METRN: variants seen among roughly 807,000 people sequenced by gnomAD.
The protein encoded by METRN is meteorin.
A neutral mutation model predicts 17.4 loss-of-function variants in METRN; 17 were observed. The observed-to-expected ratio is 0.98, with a 90% CI of 0.67 to 1.46. The LOEUF is 1.46. METRN is among the 40% of genes most tolerant of loss of function. The probability of loss-of-function intolerance (pLI) is 0.00; values close to 1 mark genes in which losing one functional copy is unlikely to be tolerated. For synonymous variants in METRN, 230 were observed against 210.8 expected (o/e 1.09, Z -0.79); for missense variants, 489 against 456.2 (o/e 1.07, Z -0.65).
Position 716,238 on chromosome 16 carries a change from G to A in METRN, c.505+254G>A, listed in dbSNP as rs561199320. 1.9e-4 allele frequency: 187 copies of A among 985,450 alleles called. 1 individual carries two copies. The South Asian group carries it at 7.0e-3, about 37-fold the overall frequency. 61.0% of individuals were successfully genotyped at this position (985,450 alleles called of 1,614,324 possible). A position where few individuals can be genotyped will look rare whatever the true frequency, so the allele number is the denominator to read the frequency against. Reference sequence around the variant, plus strand: ...GGGGAGGCCGGGCCCAGCAATCCTGGGCCTCTGGTCCCTGAACGGTTGGGG... The same window carrying A: ...GGGGAGGCCGGGCCCAGCAATCCTGAGCCTCTGGTCCCTGAACGGTTGGGG... On this transcript the variant is annotated intron_variant, in intron 2 of 3. Transcript: ENST00000568223.
At chr16:716,163 C>T (rs2040160313) in intron 2 of METRN, 179 bp downstream of exon 2, 1 of 985,322 alleles carries the variant, frequency 1.0e-6, no homozygotes, top group Non-Finnish European at 1.2e-6. Context: ...CCCCGCCCTC[C>T]CTTCCCGATT....
At chr16:715,547 G>A (rs1405754512) in intron 1 of METRN, 37 bp from the exon 2 acceptor site, 9 of 1,293,020 alleles carry the variant, frequency 7.0e-6, no homozygotes, top group East Asian at 3.2e-5. Flanking sequence ...GCGGGGACCC[G>A]CCCCCGTCTC....
intron 2 of METRN, 72 bp downstream of exon 2, chr16:716,056 G>A: frequency 5.1e-6 from 7 of 1,372,748 alleles, no homozygotes; most frequent in Non-Finnish European, 6.6e-6. Context: ...GCGGGAATGT[G>A]CCTTGTCGGC....
chr16:715,324 T>G lies in METRN; in HGVS notation c.35T>G (p.Leu12Arg), dbSNP rs942035147. ...GFPAAALLCALCCGLLAPAAR... is the reference protein window; with the variant it reads ...GFPAAALLCARCCGLLAPAAR... ...CCGGCCGCGGCGCTGCTCTGCGCGC[T>G]GTGCTGCGGCCTCCTGGCCCCGGCT... Residue 12 changes from leucine (L) to arginine (R), a missense_variant, in exon 1 of 4, where the codon CTG (leucine) becomes CGG (arginine). By Grantham distance (102) the Leu-to-Arg change is moderately radical. Transcript: ENST00000568223. 2.2e-6 allele frequency: 3 copies of G among 1,341,692 alleles called. No individual in the cohort carries two copies. The highest frequency in any genetic ancestry group is 3.1e-5 in the African/African-American group (2 of 64,896). 83.1% of individuals were successfully genotyped at this position (1,341,692 alleles called of 1,614,324 possible). A position where few individuals can be genotyped will look rare whatever the true frequency, so the allele number is the denominator to read the frequency against.
Position 717,647 on chromosome 16 carries a change from C to T in METRN, c.*260C>T. The T allele has an allele frequency of 2.5e-6, 1 of 400,076 alleles. No individual in the cohort carries two copies. The highest frequency in any genetic ancestry group is 4.4e-6 in the Non-Finnish European group (1 of 227,392). 24.8% of individuals were successfully genotyped at this position (400,076 alleles called of 1,614,324 possible). A position where few individuals can be genotyped will look rare whatever the true frequency, so the allele number is the denominator to read the frequency against. On this transcript the variant is annotated 3_prime_UTR_variant, in exon 4 of 4. Coordinates refer to ENST00000568223, the MANE Select transcript of METRN (RefSeq NM_024042.4). ...GAGGGAGAGCAGATGTCAGGAGGAG[C>T]TACACCCACATTCCGGGGAGGGGCC...
rs2040177723 is a variant in METRN at position 718,269 on chromosome 16, C to A, written c.*882C>A. The stretch of plus-strand genomic sequence containing the variant: ...GCCCAAGGCTCCGAGGCTAAAAGCC[C>A]CTGGGTGGGGGTGTTCCAGGACACC... On this transcript the variant is annotated 3_prime_UTR_variant, in exon 4 of 4. Transcript: ENST00000568223. 2 of 152,298 alleles carry A rather than the reference C, an allele frequency of 1.3e-5. No homozygotes were observed. Among genetic ancestry groups the A allele is most frequent in the African/African-American group, 4.8e-5 (2 of 41,470 alleles). 9.4% of individuals were successfully genotyped at this position (152,298 alleles called of 1,614,324 possible).
rs1036593061 is a variant in METRN at position 715,216 on chromosome 16, C to T, written c.-74C>T. Reference sequence around the variant, plus strand: ...GGCCGGCGCCCCCGGCTGCTCCCGCCGCCGCCCGGACCCGCGCCCCGCCGG... The same window carrying T: ...GGCCGGCGCCCCCGGCTGCTCCCGCTGCCGCCCGGACCCGCGCCCCGCCGG... On this transcript the variant is annotated 5_prime_UTR_variant, in exon 1 of 4. Coordinates refer to ENST00000568223, the MANE Select transcript of METRN (RefSeq NM_024042.4). 1.4e-5 allele frequency: 11 copies of T among 769,496 alleles called. No individual in the cohort carries two copies. In the African/African-American group the frequency reaches 2.1e-4, roughly 15 times the overall value. The allele number at this position is 769,496 out of a possible 1,614,324, so 47.7% of individuals were successfully genotyped here.
At chr16:716,269 G>A in intron 2 of METRN, 1 of 985,472 alleles carries the variant, frequency 1.0e-6, no homozygotes, top group Non-Finnish European at 1.2e-6. Flanking sequence ...TGGGGGAAGA[G>A]ATGGTGGGGA....
In METRN at chr16:718,399, G is replaced by A. The variant is rs2040178540; in HGVS notation, c.*1012G>A. ...ACCCCTGGGCTGAGCCCCAGAAATG[G>A]CTTTCCATTCTCGCCTGGGCCGGGG... On this transcript the variant is annotated 3_prime_UTR_variant, in exon 4 of 4. Coordinates refer to ENST00000568223, the MANE Select transcript of METRN (RefSeq NM_024042.4). 1 of 152,244 alleles carries A rather than the reference G, an allele frequency of 6.6e-6. No homozygotes were observed. The highest frequency in any genetic ancestry group is 2.4e-5 in the African/African-American group (1 of 41,452). The allele number at this position is 152,244 out of a possible 1,614,324, so 9.4% of individuals were successfully genotyped here. A position where few individuals can be genotyped will look rare whatever the true frequency, so the allele number is the denominator to read the frequency against.
intron 2 of METRN, chr16:716,222 G>A: frequency 2.0e-6 from 2 of 985,414 alleles, no homozygotes; most frequent in East Asian, 1.1e-4. Context: ...AGGGGAGGCC[G>A]GGCCCAGCAA....
intron 1 of METRN, 64 bp from the exon 2 acceptor site, chr16:715,520 A>AGCGGGGGCTGCGCCGG (rs2040152555): frequency 1.6e-6 from 2 of 1,280,732 alleles, no homozygotes. Flanking sequence ...CTCGGGAGGG[A>AGCGGGGGCTGCGCCGG]GCGGGGGCTG....
At chr16:716,663 G>A (rs912226083) in intron 2 of METRN, 29 of 1,535,392 alleles carry the variant, frequency 1.9e-5, no homozygotes, top group Middle Eastern at 1.7e-4. Flanking sequence ...CAGGACAGCT[G>A]ATCGCTAGGC....
At chr16:716,017 G>A (rs1324315553) in intron 2 of METRN, 33 bp downstream of exon 2, 3 of 1,425,808 alleles carry the variant, frequency 2.1e-6, no homozygotes, top group African/African-American at 1.5e-5. Flanking sequence ...CAGGGTGGGA[G>A]TCCCGAAGTC....
chr16:716,902 G>A (rs2040165773), intron 2 of METRN, 31 bp from the exon 3 acceptor site: 1 of 1,536,648 alleles, frequency 6.5e-7, no homozygotes, highest in Non-Finnish European at 8.8e-7. Flanking sequence ...AGAGGGCAGG[G>A]CCTCTCCTCA....
intron 2 of METRN, 157 bp downstream of exon 2, chr16:716,141 G>A: frequency 1.0e-6 from 1 of 985,474 alleles, no homozygotes; most frequent in Non-Finnish European, 1.2e-6. Flanking sequence ...GACTGCTGGG[G>A]AGGGATGGCC....
At position 715,465 on chromosome 16, in the gene METRN, G is replaced by C. The variant is rs987451737; in HGVS notation, c.104+72G>C. Reference sequence around the variant, plus strand: ...GGCTAGGACCCCCCAGGCGCCCCTCGGAGCGCGCAGAGCGCTGGGCCGGTT... The same window carrying C: ...GGCTAGGACCCCCCAGGCGCCCCTCCGAGCGCGCAGAGCGCTGGGCCGGTT... On this transcript the variant is annotated intron_variant, in intron 1 of 3. Coordinates refer to ENST00000568223, the MANE Select transcript of METRN (RefSeq NM_024042.4). 3 of 1,256,888 alleles carry C rather than the reference G, an allele frequency of 2.4e-6. No homozygotes were observed. In the East Asian group the frequency reaches 9.6e-5, roughly 40 times the overall value. The allele number at this position is 1,256,888 out of a possible 1,614,324, so 77.9% of individuals were successfully genotyped here.
chr16:717,367 T>C lies in METRN; in HGVS notation c.862T>C (p.Cys288Arg). 7.3e-7 allele frequency: 1 copy of C among 1,366,106 alleles called. No individual in the cohort carries two copies. Among genetic ancestry groups the C allele is most frequent in the Non-Finnish European group, 9.4e-7 (1 of 1,060,006 alleles). The allele number at this position is 1,366,106 out of a possible 1,614,324, so 84.6% of individuals were successfully genotyped here. ...TGCCCGTGCTGCCCACCTCCACCCC[T>C]GCGAGGTGGCGCTGCACTGAGGGGC... is the stretch of plus-strand genomic sequence containing the variant. Reference protein sequence around the residue: ...EAARAAHLHPCEVALH With the variant: ...EAARAAHLHPREVALH The change falls in exon 4 of 4, where the codon TGC (cysteine) becomes CGC (arginine). Residue 288 changes from cysteine to arginine, a missense_variant. By Grantham distance (180) the Cys-to-Arg change is radical. Transcript: ENST00000568223.
chr16:715,554 T>C, intron 1 of METRN, 30 bp from the exon 2 acceptor site: 4 of 1,296,216 alleles, frequency 3.1e-6, no homozygotes, highest in Non-Finnish European at 3.9e-6. Flanking sequence ...CCCGCCCCCG[T>C]CTCAGCGCCC....
rs1363142493 is a variant in METRN, at chr16:718,000, G to C, written c.*613G>C. 1 of 152,384 alleles carries C rather than the reference G, an allele frequency of 6.6e-6. No individual in the cohort carries two copies. The highest frequency in any genetic ancestry group is 1.9e-4 in the East Asian group (1 of 5,194). 9.4% of individuals were successfully genotyped at this position (152,384 alleles called of 1,614,324 possible). A position where few individuals can be genotyped will look rare whatever the true frequency, so the allele number is the denominator to read the frequency against. The stretch of plus-strand genomic sequence containing the variant: ...CATCCTTGGCCCCGTCCCGCCCTTG[G>C]GGAAGAATGGGCCCCTCTGTCCTCA... On this transcript the variant is annotated 3_prime_UTR_variant, in exon 4 of 4. Transcript: ENST00000568223.
Sources: gnomAD v4.1 joint callset for allele counts on GRCh38, gnomAD v4.1.1 for gene constraint, MANE v1.5 for transcripts, NCBI Gene and HGNC (gene_info 2026-07-23, HGNC 2026-07-21) for gene names.